CAPRIN1: variants seen among roughly 807,000 people sequenced by gnomAD.
CAPRIN1 encodes caprin-1.
A neutral mutation model predicts 100.9 loss-of-function variants in CAPRIN1; 29 were observed. The ratio of observed to expected loss-of-function variants is 0.29; its 90% CI spans 0.21 to 0.39. The LOEUF is 0.39. Among genes scored for constraint, CAPRIN1 ranks in the 10% least tolerant of loss-of-function variants. CAPRIN1 has a pLI of 1.00. For missense variants in CAPRIN1, 795 were observed against 876.7 expected (o/e 0.91, Z 1.18); for synonymous variants, 338 against 307.5 (o/e 1.10, Z -1.04).
At chr11:34,054,232 T>TC (rs5790971) in intron 2 of CAPRIN1, among the ~76,000 whole-genome samples, 35,950 of 152,110 alleles carry the variant, frequency 0.24, 5,408 homozygotes, top group Middle Eastern at 0.39. Context: ...TTCTTTTTTT[T>TC]CCCAATCCTT....
At position 34,092,047 on chromosome 11, in the gene CAPRIN1, C is replaced by T; in HGVS notation, c.1696C>T (p.Leu566Phe). 6.2e-7 allele frequency: 1 copy of T among 1,613,614 alleles called. No individual in the cohort carries two copies. Among genetic ancestry groups the T allele is most frequent in the Non-Finnish European group, 8.5e-7 (1 of 1,179,836 alleles). ...VEQTELQQEQLQTVVGTYHGS... is the reference protein window; with the variant it reads ...VEQTELQQEQFQTVVGTYHGS... The stretch of plus-strand genomic sequence containing the variant: ...ACAAACAGAGCTTCAGCAAGAACAG[C>T]TTCAAACAGGTACGAAATCCAGTGT... Residue 566 changes from leucine (L) to phenylalanine (F), a missense_variant, in exon 15 of 19, where the codon CTT (leucine) becomes TTT (phenylalanine). Coordinates refer to ENST00000341394, the MANE Select transcript of CAPRIN1 (RefSeq NM_005898.5).
At chr11:34,081,723 C>A (rs1851033678) in intron 7 of CAPRIN1, among the ~76,000 whole-genome samples, 1 of 152,166 alleles carries the variant, frequency 6.6e-6, no homozygotes, top group Non-Finnish European at 1.5e-5. Context: ...GTCTCAAACT[C>A]CTGACCTCAA....
At chr11:34,064,328 T>C (rs1850643531) in intron 2 of CAPRIN1, among the ~76,000 whole-genome samples, 1 of 152,204 alleles carries the variant, frequency 6.6e-6, no homozygotes, top group Non-Finnish European at 1.5e-5. Context: ...TAGTTCATGC[T>C]GTAAATTTTA....
intron 15 of CAPRIN1, among the ~76,000 whole-genome samples, chr11:34,095,639 G>A (rs1851355262): frequency 6.6e-6 from 1 of 152,214 alleles, no homozygotes; most frequent in African/African-American, 2.4e-5. Flanking sequence ...TGTTGTTAGT[G>A]TGTGGGCCTT....
chr11:34,073,794 A>G (rs1451636287), intron 4 of CAPRIN1, among the ~76,000 whole-genome samples: 1 of 152,196 alleles, frequency 6.6e-6, no homozygotes, highest in African/African-American at 2.4e-5. Context: ...GAAAACAAAA[A>G]AAGTAATTTA....
chr11:34,075,321 A>G (rs1850884028), intron 4 of CAPRIN1, among the ~76,000 whole-genome samples: 1 of 151,918 alleles, frequency 6.6e-6, no homozygotes, highest in Non-Finnish European at 1.5e-5. Flanking sequence ...GAGAAGGGGG[A>G]AAAGGTGGAA....
chr11:34,065,636 C>T (rs1850673700), intron 2 of CAPRIN1, among the ~76,000 whole-genome samples: 1 of 152,224 alleles, frequency 6.6e-6, no homozygotes, highest in Non-Finnish European at 1.5e-5. Context: ...GAAACAAAGT[C>T]CTTCCCAGCT....
At position 34,086,134 on chromosome 11, in the gene CAPRIN1, C is replaced by G; in HGVS notation, c.1037C>G (p.Pro346Arg). Residue 346 changes from proline (P) to arginine (R), a missense_variant, in exon 10 of 19, where the codon CCA (proline) becomes CGA (arginine). By Grantham distance (103) the Pro-to-Arg change is moderately radical. Transcript: ENST00000341394. ...GTACCAGAGCCCCACTCTTTGACTC[C>G]AGTGGCTCAGGCAGATCCCCTTGTG... is the stretch of plus-strand genomic sequence containing the variant. ...PSVPEPHSLT[P>R]VAQADPLVRR... 2 of 1,614,022 alleles carry G rather than the reference C, an allele frequency of 1.2e-6. No individual in the cohort carries two copies. Among genetic ancestry groups the G allele is most frequent in the Non-Finnish European group, 1.7e-6 (2 of 1,179,900 alleles).
intron 2 of CAPRIN1, among the ~76,000 whole-genome samples, chr11:34,065,073 C>T (rs1471541489): frequency 6.6e-6 from 1 of 151,452 alleles, no homozygotes; most frequent in Non-Finnish European, 1.5e-5. Context: ...CTTTCTCCTG[C>T]CTCAGCCTCC....
At chr11:34,055,444 C>T (rs1021018494) in intron 2 of CAPRIN1, among the ~76,000 whole-genome samples, 1 of 152,124 alleles carries the variant, frequency 6.6e-6, no homozygotes, top group African/African-American at 2.4e-5. Flanking sequence ...TGCCTCGGCC[C>T]CCCGCCCAGA....
chr11:34,075,998 A>G (rs1850899211), intron 4 of CAPRIN1, among the ~76,000 whole-genome samples: 1 of 152,200 alleles, frequency 6.6e-6, no homozygotes, highest in African/African-American at 2.4e-5. Flanking sequence ...ACATTGTTTC[A>G]TCAGTAATAG....
At chr11:34,058,394 C>T (rs909914806) in intron 2 of CAPRIN1, among the ~76,000 whole-genome samples, 30 of 152,174 alleles carry the variant, frequency 2.0e-4, no homozygotes, top group African/African-American at 7.2e-4. Context: ...GCCTTGGCCT[C>T]CCAAAGTGCT....
chr11:34,098,642 C>T, intron 18 of CAPRIN1: 1 of 985,346 alleles, frequency 1.0e-6, no homozygotes, highest in Non-Finnish European at 1.2e-6. Flanking sequence ...TAATGGATCA[C>T]TTGGGAATTA....
intron 17 of CAPRIN1, 21 bp downstream of exon 17, chr11:34,097,317 G>A (rs746326328): frequency 3.3e-6 from 5 of 1,514,156 alleles, no homozygotes; most frequent in South Asian, 2.3e-5. Context: ...TAGTTCTAAA[G>A]TGTAAACCTG....
At chr11:34,064,256 A>G (rs1204485827) in intron 2 of CAPRIN1, among the ~76,000 whole-genome samples, 3 of 152,050 alleles carry the variant, frequency 2.0e-5, no homozygotes, top group Non-Finnish European at 2.9e-5. Flanking sequence ...CTATCTTACC[A>G]TTCTGTTCTT....
intron 2 of CAPRIN1, 80 bp downstream of exon 2, chr11:34,052,716 C>T (rs1850351705): frequency 7.5e-6 from 11 of 1,467,394 alleles, no homozygotes; most frequent in Non-Finnish European, 9.2e-6. Flanking sequence ...CTGGAGCCTT[C>T]GCTTCTTTTC....
At chr11:34,067,222 G>A (rs1477657969) in intron 2 of CAPRIN1, among the ~76,000 whole-genome samples, 4 of 152,122 alleles carry the variant, frequency 2.6e-5, no homozygotes, top group African/African-American at 4.8e-5. Flanking sequence ...GAGCCATGGC[G>A]TCGGGACCTG....
chr11:34,071,098 A>G (rs190647835), intron 2 of CAPRIN1, among the ~76,000 whole-genome samples: 19 of 152,342 alleles, frequency 1.2e-4, no homozygotes, highest in Middle Eastern at 3.4e-3. Context: ...TCACTTGGGT[A>G]TAAGCAGGAT....
At chr11:34,056,575 A>G (rs1850456285) in intron 2 of CAPRIN1, 1 of 152,230 alleles carries the variant, frequency 6.6e-6, no homozygotes, top group Non-Finnish European at 1.5e-5. Flanking sequence ...CTTACAGGTA[A>G]TATTGAATTG....
Sources: gnomAD v4.1 joint callset for allele counts (sites outside exome capture counted in the v4.1 genomes callset) on GRCh38, gnomAD v4.1.1 for gene constraint, MANE v1.5 for transcripts, NCBI Gene and HGNC (gene_info 2026-07-23, HGNC 2026-07-21) for gene names.